The following AAGAB variants were observed in gnomAD, a reference collection of about 807,000 sequenced individuals.
AAGAB encodes the protein alpha and gamma adaptin binding protein.
In AAGAB, 38 loss-of-function variants were observed where a neutral mutation model predicts 44.1. The ratio of observed to expected loss-of-function variants is 0.86; its 90% CI spans 0.67 to 1.13. The LOEUF is 1.13. Among genes scored for constraint, AAGAB ranks in the 50% most tolerant of loss-of-function variants. AAGAB has a pLI of 0.00. For missense variants in AAGAB, 450 were observed against 373.8 expected (o/e 1.20, Z -1.68); for synonymous variants, 131 against 131.8 (o/e 0.99, Z 0.04).
At chr15:67,247,855 C>T (rs191084179) in intron 1 of AAGAB, among the ~76,000 whole-genome samples, 39 of 152,232 alleles carry the variant, frequency 2.6e-4, no homozygotes, top group African/African-American at 8.9e-4. Context: ...ATTTTGAGAG[C>T]CATAGTTTTC....
intron 5 of AAGAB, among the ~76,000 whole-genome samples, chr15:67,230,175 C>T (rs907827971): frequency 1.3e-5 from 2 of 151,956 alleles, no homozygotes; most frequent in Admixed American, 6.6e-5. Context: ...TTTCTCATTC[C>T]CTTCTGTAGT....
At chr15:67,232,249 C>CAAA (rs34877999) in intron 4 of AAGAB, among the ~76,000 whole-genome samples, 67 of 88,656 alleles carry the variant, frequency 7.6e-4, no homozygotes, top group African/African-American at 1.3e-3. Context: ...AACTCCATCT[C>CAAA]AAAAAAAAAA....
intron 5 of AAGAB, among the ~76,000 whole-genome samples, chr15:67,217,178 G>A (rs1346261552): frequency 6.6e-6 from 1 of 152,086 alleles, no homozygotes; most frequent in Non-Finnish European, 1.5e-5. Flanking sequence ...TTAGGTCCTG[G>A]GTTAAAAAGA....
At chr15:67,204,190 A>T in intron 7 of AAGAB, 42 bp from the exon 8 acceptor site, 1 of 1,360,844 alleles carries the variant, frequency 7.3e-7, no homozygotes, top group East Asian at 2.3e-5. Context: ...CGTTATTTGC[A>T]TATGTGCTAC....
chr15:67,242,710 T>C (rs1266801726), intron 1 of AAGAB: 1 of 152,254 alleles, frequency 6.6e-6, no homozygotes, highest in East Asian at 1.9e-4. Context: ...AGGAAACTCA[T>C]ATCTGAGATT....
At chr15:67,236,590 T>G (rs1389819138) in intron 2 of AAGAB, 40 bp downstream of exon 2, 1 of 1,601,450 alleles carries the variant, frequency 6.2e-7, no homozygotes, top group East Asian at 2.2e-5. Flanking sequence ...AGGCATGCAA[T>G]AATTTCTTAT....
At position 67,231,617 on chromosome 15, in the gene AAGAB, T is replaced by C. The variant is rs183694237; in HGVS notation, c.535+197A>G. ...GGGTGTATTACAAGCAACCTCTAAA[T>C]TCTTACTGAATTAACTATTAAACGT... On this transcript the variant is annotated intron_variant, in intron 5 of 9. Transcript: ENST00000261880. Among the ~76,000 whole-genome samples the C allele has an allele frequency of 2.9e-4, 44 of 152,344 alleles. 1 individual carries two copies. The East Asian group carries it at 7.3e-3, about 25-fold the overall frequency.
At chr15:67,248,793 C>T (rs781532123) in intron 1 of AAGAB, among the ~76,000 whole-genome samples, 93 of 152,264 alleles carry the variant, frequency 6.1e-4, no homozygotes, top group Non-Finnish European at 9.6e-4. Context: ...TATAATTGTG[C>T]TTTCTGGTTT....
At chr15:67,249,101 C>T (rs1029493510) in intron 1 of AAGAB, among the ~76,000 whole-genome samples, 1 of 152,030 alleles carries the variant, frequency 6.6e-6, no homozygotes, top group Non-Finnish European at 1.5e-5. Flanking sequence ...GTGGCGTGAT[C>T]TGAGCTTACT....
At position 67,254,572 on chromosome 15, in the gene AAGAB, G is replaced by C. The variant is rs370626700; in HGVS notation, c.60C>G (p.Asp20Glu). ...VTSCSSVFSGDQLVQHILGTE... is the reference protein window; with the variant it reads ...VTSCSSVFSGEQLVQHILGTE... ...CTATCTACTCACGTTGGACCAGCTG[G>C]TCTCCTGAGAAGACGGAGGAGCAGC... The change falls in exon 1 of 10, where the codon GAC (aspartate) becomes GAG (glutamate). Residue 20 changes from aspartate to glutamate, a missense_variant. Transcript: ENST00000261880. The C allele has an allele frequency of 1.9e-6, 3 of 1,609,736 alleles. No individual in the cohort carries two copies. The highest frequency in any genetic ancestry group is 2.5e-6 in the Non-Finnish European group (3 of 1,178,880).
At chr15:67,230,526 A>G (rs996668850) in intron 5 of AAGAB, among the ~76,000 whole-genome samples, 2 of 152,248 alleles carry the variant, frequency 1.3e-5, no homozygotes, top group Non-Finnish European at 1.5e-5. Context: ...AACTACCAGA[A>G]GCTAGAAGAG....
chr15:67,234,150 G>A (rs1964409933), intron 4 of AAGAB, among the ~76,000 whole-genome samples: 1 of 151,978 alleles, frequency 6.6e-6, no homozygotes, highest in Non-Finnish European at 1.5e-5. Context: ...CTACTTGGGA[G>A]GCTGAGGCAG....
At chr15:67,223,480 A>G (rs544346019) in intron 5 of AAGAB, among the ~76,000 whole-genome samples, 14 of 152,240 alleles carry the variant, frequency 9.2e-5, no homozygotes, top group Non-Finnish European at 1.8e-4. Flanking sequence ...CATATCTCAT[A>G]TCTAAACTAT....
chr15:67,217,315 T>C (rs975464500), intron 5 of AAGAB, among the ~76,000 whole-genome samples: 3 of 152,188 alleles, frequency 2.0e-5, no homozygotes, highest in African/African-American at 7.2e-5. Flanking sequence ...ATGAAGCCAT[T>C]TTCCAAGAGA....
At chr15:67,233,263 A>G (rs548212415) in intron 4 of AAGAB, among the ~76,000 whole-genome samples, 1 of 152,366 alleles carries the variant, frequency 6.6e-6, no homozygotes, top group East Asian at 1.9e-4. Context: ...CTAGAAGTGT[A>G]AGAGACAGGC....
chr15:67,210,426 G>A (rs969601760), intron 5 of AAGAB, among the ~76,000 whole-genome samples: 1 of 151,382 alleles, frequency 6.6e-6, no homozygotes, highest in African/African-American at 2.4e-5. Context: ...TGAGGCAGGA[G>A]AATCGCTTGA....
Position 67,254,645 on chromosome 15 carries a change from A to G in AAGAB, c.-14T>C, listed in dbSNP as rs1267536263. On this transcript the variant is annotated 5_prime_UTR_variant, in exon 1 of 10. Transcript: ENST00000261880. ...GCCAGCAGCCATAGCTGCGCTCGCG[A>G]GCCGGTTCCGTCAGGCAGCCGCTTC... 2 of 1,600,586 alleles carry G rather than the reference A, an allele frequency of 1.2e-6. No homozygotes were observed. Among genetic ancestry groups the G allele is most frequent in the Non-Finnish European group, 1.7e-6 (2 of 1,175,612 alleles).
chr15:67,213,627 A>G (rs986005281), intron 5 of AAGAB, among the ~76,000 whole-genome samples: 11 of 152,262 alleles, frequency 7.2e-5, no homozygotes, highest in South Asian at 6.2e-4. Context: ...AAGCATATGA[A>G]TTTGGAAATA....
chr15:67,202,650 A>G lies in AAGAB; in HGVS notation c.*171T>C. On this transcript the variant is annotated 3_prime_UTR_variant, in exon 10 of 10. Coordinates refer to ENST00000261880, the MANE Select transcript of AAGAB (RefSeq NM_024666.5). ...ACTCTCTTACAATATACTGAGGAAA[A>G]AAAAGATTTCTCCTTAACCTCCTAC... The G allele has an allele frequency of 1.6e-6, 1 of 611,542 alleles. No individual in the cohort carries two copies. The highest frequency in any genetic ancestry group is 2.7e-5 in the East Asian group (1 of 36,604). The allele number at this position is 611,542 out of a possible 1,614,324, so 37.9% of individuals were successfully genotyped here. A position where few individuals can be genotyped will look rare whatever the true frequency, so the allele number is the denominator to read the frequency against.
Sources: gnomAD v4.1 joint callset for allele counts (sites outside exome capture counted in the v4.1 genomes callset) on GRCh38, gnomAD v4.1.1 for gene constraint, MANE v1.5 for transcripts, NCBI Gene and HGNC (gene_info 2026-07-23, HGNC 2026-07-21) for gene names.